The following RBFOX3 variants were observed in gnomAD, a reference collection of about 807,000 sequenced individuals.
The protein encoded by RBFOX3 is RNA binding protein fox-1 homolog 3.
Under a neutral mutation model 48.7 loss-of-function variants are expected in RBFOX3, and 17 were observed. The ratio of observed to expected loss-of-function variants is 0.35; its 90% CI spans 0.24 to 0.52. The LOEUF (loss-of-function observed/expected upper bound fraction) is 0.52. Ranked by LOEUF, RBFOX3 falls within the 20% of genes least tolerant of loss-of-function variation. The probability of loss-of-function intolerance (pLI) is 0.94; values close to 1 mark genes in which losing one functional copy is unlikely to be tolerated. For synonymous variants in RBFOX3, 212 were observed against 209.5 expected (o/e 1.01, Z -0.10); for missense variants, 382 against 497.5 (o/e 0.77, Z 2.21).
chr17:79,339,015 A>G (rs2081619458), intron 2 of RBFOX3, among the ~76,000 whole-genome samples: 1 of 152,110 alleles, frequency 6.6e-6, no homozygotes, highest in African/African-American at 2.4e-5. Context: ...TCTGGGGAAT[A>G]GAAAATCTAT....
intron 4 of RBFOX3, among the ~76,000 whole-genome samples, chr17:79,153,871 C>T (rs1231819182): frequency 6.6e-6 from 1 of 152,184 alleles, no homozygotes; most frequent in Non-Finnish European, 1.5e-5. Context: ...TGAGCCCCGG[C>T]TGCCCATGGT....
chr17:79,427,178 G>A (rs894290261), intron 2 of RBFOX3, among the ~76,000 whole-genome samples: 2 of 152,174 alleles, frequency 1.3e-5, no homozygotes, highest in Non-Finnish European at 2.9e-5. Flanking sequence ...GCGGACGGGG[G>A]GCCCCTGCCC....
chr17:79,360,850 A>C (rs1051968730), intron 2 of RBFOX3, among the ~76,000 whole-genome samples: 2 of 149,998 alleles, frequency 1.3e-5, no homozygotes, highest in Non-Finnish European at 3.0e-5. Flanking sequence ...TTTAAGAAAC[A>C]GATTAAATTA....
At chr17:79,494,785 C>T (rs1336434224) in intron 1 of RBFOX3, among the ~76,000 whole-genome samples, 3 of 152,190 alleles carry the variant, frequency 2.0e-5, no homozygotes, top group Admixed American at 1.3e-4. Flanking sequence ...CCAACCCTGC[C>T]TACAGAGGAG....
At position 79,189,627 on chromosome 17, in the gene RBFOX3, A is replaced by T. The variant is rs532408270; in HGVS notation, c.-34+46139T>A. ...GCTGAGCCCTGTGATGACGCCAAGG[A>T]GAGGAGCTGCTGCTAGACCAAGGAA... On this transcript the variant is annotated intron_variant, in intron 4 of 14. Coordinates refer to ENST00000693108, the MANE Select transcript of RBFOX3 (RefSeq NM_001350451.2). Among the ~76,000 whole-genome samples, 3 of 152,318 alleles carry T rather than the reference A, an allele frequency of 2.0e-5. No individual in the cohort carries two copies. The East Asian group carries it at 5.8e-4, about 29-fold the overall frequency.
intron 11 of RBFOX3, among the ~76,000 whole-genome samples, 196 bp from the exon 12 acceptor site, chr17:79,097,029 C>T (rs916846010): frequency 1.3e-5 from 2 of 152,124 alleles, no homozygotes; most frequent in African/African-American, 4.8e-5. Context: ...TGGACAACGG[C>T]CCCATTAAAG....
intron 3 of RBFOX3, among the ~76,000 whole-genome samples, chr17:79,244,914 C>G (rs114082768): frequency 0.03 from 4,424 of 147,460 alleles, 97 homozygotes; most frequent in Middle Eastern, 0.038. Context: ...TTCCTTCCTT[C>G]CTCTCTTCTT....
At position 79,252,287 on chromosome 17, in the gene RBFOX3, A is replaced by AT; in HGVS notation, c.-73-16483_-73-16482insA. ...TCTAGCCGAGTTCCCTGTGGGTCCA[A>AT]CCTTTTGCTTCCCTTGATGTCTCCC... On this transcript the variant is annotated intron_variant, in intron 3 of 14. Coordinates refer to ENST00000693108, the MANE Select transcript of RBFOX3 (RefSeq NM_001350451.2). The surrounding 1 kb of genome is among the most constrained non-coding windows in gnomAD (Gnocchi z 4.0). Among the ~76,000 whole-genome samples the AT allele has an allele frequency of 1.1e-5, 1 of 91,884 alleles. No individual in the cohort carries two copies. The highest frequency in any genetic ancestry group is 1.2e-4 in the Admixed American group (1 of 8,352). 60.3% of individuals were successfully genotyped at this position (91,884 alleles called of 152,430 possible).
In RBFOX3 at chr17:79,128,717, C is replaced by G. The variant is rs79795503; in HGVS notation, c.-33-12969G>C. 4.6e-5 allele frequency among the ~76,000 whole-genome samples: 7 copies of G among 152,326 alleles called. No individual in the cohort carries two copies. In the East Asian group the frequency reaches 1.4e-3, roughly 29 times the overall value. On this transcript the variant is annotated intron_variant, in intron 4 of 14. Coordinates refer to ENST00000693108, the MANE Select transcript of RBFOX3 (RefSeq NM_001350451.2). Reference sequence around the variant, plus strand: ...TGGGAGCCGGGGCTGCCTGCCCCTGCTCCTGTGGGGACTCCTGCTGTGCCA... The same window carrying G: ...TGGGAGCCGGGGCTGCCTGCCCCTGGTCCTGTGGGGACTCCTGCTGTGCCA...
chr17:79,516,492 G>A (rs1377285556), intron 1 of RBFOX3, among the ~76,000 whole-genome samples: 13 of 152,236 alleles, frequency 8.5e-5, no homozygotes, highest in African/African-American at 1.2e-4. Flanking sequence ...AAATATTCAC[G>A]TCCAGCCCAG....
intron 2 of RBFOX3, among the ~76,000 whole-genome samples, chr17:79,406,261 G>A (rs560285533): frequency 2.0e-5 from 3 of 152,086 alleles, no homozygotes; most frequent in Non-Finnish European, 2.9e-5. Flanking sequence ...CTTTTTGCTC[G>A]TTCTCCCAGC....
intron 3 of RBFOX3, among the ~76,000 whole-genome samples, chr17:79,236,666 C>T (rs1203594032): frequency 6.6e-6 from 1 of 152,180 alleles, no homozygotes; most frequent in Non-Finnish European, 1.5e-5. Flanking sequence ...CTACCAGCAG[C>T]AGGAACAGCT....
intron 4 of RBFOX3, among the ~76,000 whole-genome samples, chr17:79,208,833 T>C (rs2057923285): frequency 6.6e-6 from 1 of 151,814 alleles, no homozygotes; most frequent in African/African-American, 2.4e-5. Context: ...TTTTTTTGTT[T>C]GAGACGGAGT....
rs114257314 is a variant in RBFOX3 at position 79,102,828 on chromosome 17, G to C, written c.507+334C>G. Among the ~76,000 whole-genome samples the C allele has an allele frequency of 3.8e-3, 577 of 152,352 alleles. 3 individuals carry two copies. Among genetic ancestry groups the C allele is most frequent in the African/African-American group, 0.013 (543 of 41,592 alleles). ...TCTGGGGATTAATGGCTCCTTGGCC[G>C]GGTGGGCTGGCCATGGTCCTTGAAG... On this transcript the variant is annotated intron_variant, in intron 8 of 14. Transcript: ENST00000693108.
intron 4 of RBFOX3, among the ~76,000 whole-genome samples, chr17:79,135,260 G>C (rs908254832): frequency 3.3e-5 from 5 of 152,236 alleles, no homozygotes; most frequent in African/African-American, 1.2e-4. Flanking sequence ...AATGGGACAG[G>C]CAAGGGAAGG....
rs542899356 is a variant in RBFOX3, at chr17:79,188,792, A to G, written c.-34+46974T>C. On this transcript the variant is annotated intron_variant, in intron 4 of 14. Coordinates refer to ENST00000693108, the MANE Select transcript of RBFOX3 (RefSeq NM_001350451.2). The stretch of plus-strand genomic sequence containing the variant: ...CCGAGCAAAAGGAACATCTGAAAGC[A>G]GCCAGCACTGTGATGTTCCACCCCA... 7.0e-3 allele frequency among the ~76,000 whole-genome samples: 1,061 copies of G among 152,354 alleles called. 20 individuals are homozygous for G. The highest frequency in any genetic ancestry group is 0.024 in the African/African-American group (979 of 41,582).
chr17:79,631,056 C>T, the RBFOX3 span, among the ~76,000 whole-genome samples: 2 of 152,184 alleles, frequency 1.3e-5, no homozygotes, highest in Non-Finnish European at 2.9e-5. Flanking sequence ...CACTACCTCA[C>T]GCCAGTGCCT....
chr17:79,590,255 A>T (rs1380052239), intron 1 of RBFOX3, among the ~76,000 whole-genome samples: 1 of 152,170 alleles, frequency 6.6e-6, no homozygotes, highest in African/African-American at 2.4e-5. Flanking sequence ...GGTAAGAGAC[A>T]AGCAATTATT....
chr17:79,573,442 G>A (rs1428388553), intron 1 of RBFOX3, among the ~76,000 whole-genome samples: 1 of 152,190 alleles, frequency 6.6e-6, no homozygotes, highest in African/African-American at 2.4e-5. Flanking sequence ...CAGCCTGGAG[G>A]AGGGGCTTCC....
Sources: gnomAD v4.1 joint callset for allele counts (sites outside exome capture counted in the v4.1 genomes callset) on GRCh38, gnomAD v4.1.1 for gene constraint, Gnocchi (gnomAD v3.1) non-coding constraint, MANE v1.5 for transcripts, NCBI Gene and HGNC (gene_info 2026-07-23, HGNC 2026-07-21) for gene names.